TRAK1: variants seen among roughly 807,000 people sequenced by gnomAD.
TRAK1 encodes the protein trafficking kinesin protein 1, also known as trafficking kinesin-binding protein 1.
In TRAK1, 33 loss-of-function variants were observed where a neutral mutation model predicts 92.1. The observed-to-expected ratio is 0.36, with a 90% CI of 0.27 to 0.48. TRAK1 has a LOEUF of 0.48. Ranked by LOEUF, TRAK1 falls within the 20% of genes least tolerant of loss-of-function variation. TRAK1 has a pLI of 0.99. For synonymous variants in TRAK1, 521 were observed against 517.3 expected, an observed-to-expected ratio of 1.01 and a Z score of -0.10; for missense variants, 1,123 against 1,257.9, an observed-to-expected ratio of 0.89 and a Z score of 1.62.
At chr3:42,041,235 C>T (rs896240664) in intron 1 of TRAK1, among the ~76,000 whole-genome samples, 1 of 151,192 alleles carries the variant, frequency 6.6e-6, no homozygotes, top group South Asian at 2.1e-4. Context: ...TTAAGCCTTC[C>T]AATACCTGAT....
intron 2 of TRAK1, among the ~76,000 whole-genome samples, chr3:42,146,549 C>G (rs778807747): frequency 9.9e-5 from 15 of 151,984 alleles, no homozygotes; most frequent in Non-Finnish European, 1.8e-4. Context: ...TTTCCTGTTC[C>G]TTTATTTTAT....
chr3:42,206,591 G>A (rs987452691), intron 13 of TRAK1, among the ~76,000 whole-genome samples: 4 of 152,188 alleles, frequency 2.6e-5, no homozygotes, highest in African/African-American at 7.2e-5. Context: ...CAGGGATAAC[G>A]TGAAGATTAA....
At chr3:42,013,752 C>G (rs910716215), upstream of TRAK1, 1 of 148,372 alleles carries the variant, frequency 6.7e-6, no homozygotes, top group Non-Finnish European at 1.5e-5. The surrounding 1 kb of genome is among the most constrained non-coding windows in gnomAD (Gnocchi z 5.1). Flanking sequence ...CCGCCGCCCC[C>G]GCGCGCCCCG....
At chr3:42,135,675 C>T (rs1481006567) in intron 2 of TRAK1, among the ~76,000 whole-genome samples, 2 of 152,234 alleles carry the variant, frequency 1.3e-5, no homozygotes, top group African/African-American at 4.8e-5. Flanking sequence ...TGTGTGGGAA[C>T]ATCCCAGCTC....
chr3:42,156,929 G>A (rs754943685), intron 2 of TRAK1, among the ~76,000 whole-genome samples: 1 of 152,154 alleles, frequency 6.6e-6, no homozygotes, highest in Non-Finnish European at 1.5e-5. Flanking sequence ...CGAGGCGAGT[G>A]GATCAGTTGA....
chr3:42,095,122 G>A (rs561614801), intron 1 of TRAK1, among the ~76,000 whole-genome samples: 1 of 152,194 alleles, frequency 6.6e-6, no homozygotes, highest in African/African-American at 2.4e-5. Context: ...CCCAGTCAAG[G>A]AGACACATAT....
At chr3:42,095,143 G>C (rs933430789) in intron 1 of TRAK1, among the ~76,000 whole-genome samples, 7 of 152,180 alleles carry the variant, frequency 4.6e-5, no homozygotes, top group Non-Finnish European at 8.8e-5. Flanking sequence ...TATACAGTTA[G>C]CCTTCACAGA....
chr3:42,131,251 C>T (rs763261568), intron 2 of TRAK1, among the ~76,000 whole-genome samples: 2 of 152,134 alleles, frequency 1.3e-5, no homozygotes, highest in African/African-American at 2.4e-5. Context: ...ACACAGTGGT[C>T]GCTCCCTTCT....
At chr3:42,052,678 T>G (rs1703029627) in intron 1 of TRAK1, among the ~76,000 whole-genome samples, 1 of 152,202 alleles carries the variant, frequency 6.6e-6, no homozygotes, top group African/African-American at 2.4e-5. Context: ...GTGATAACAG[T>G]TGGCATACTG....
At chr3:42,200,599 CGA>C (rs988344559) in intron 11 of TRAK1, among the ~76,000 whole-genome samples, 29 of 152,134 alleles carry the variant, frequency 1.9e-4, no homozygotes, top group Non-Finnish European at 1.0e-4. Flanking sequence ...ACCATGCGTT[CGA>C]GTCCTGGGTT....
intron 4 of TRAK1, among the ~76,000 whole-genome samples, chr3:42,187,639 T>G (rs1965216): frequency 0.8 from 121,319 of 151,928 alleles, 48,697 homozygotes; most frequent in East Asian, 0.99. Context: ...CGCTAATTTT[T>G]TATTTTTAGT....
chr3:42,102,738 T>G (rs1226023175), intron 1 of TRAK1, among the ~76,000 whole-genome samples: 1 of 152,188 alleles, frequency 6.6e-6, no homozygotes, highest in Non-Finnish European at 1.5e-5. Context: ...CCACATTGAT[T>G]TATTTCCCTT....
At chr3:42,056,147 G>A (rs1182265514) in intron 1 of TRAK1, among the ~76,000 whole-genome samples, 1 of 152,114 alleles carries the variant, frequency 6.6e-6, no homozygotes, top group East Asian at 1.9e-4. Context: ...GTGAACATCT[G>A]TAGACTTTTT....
At chr3:42,109,523 T>C (rs1708048683) in intron 1 of TRAK1, among the ~76,000 whole-genome samples, 1 of 152,244 alleles carries the variant, frequency 6.6e-6, no homozygotes, top group Non-Finnish European at 1.5e-5. Flanking sequence ...AAGTCCATCC[T>C]AAACATGGTA....
At chr3:42,126,902 T>C (rs892167251) in intron 2 of TRAK1, among the ~76,000 whole-genome samples, 1 of 152,222 alleles carries the variant, frequency 6.6e-6, no homozygotes, top group Non-Finnish European at 1.5e-5. Context: ...CCATAAACCC[T>C]ACAGAGTCTT....
chr3:42,220,170 A>T (rs146920852), intron 15 of TRAK1, among the ~76,000 whole-genome samples: 1 of 152,162 alleles, frequency 6.6e-6, no homozygotes, highest in African/African-American at 2.4e-5. Flanking sequence ...GTGCCTCTGG[A>T]ATAGGCCCCA....
rs1710560713 is a variant in TRAK1 at position 42,223,551 on chromosome 3, G to A, written c.2676G>A (p.Glu892=). The A allele has an allele frequency of 6.2e-7, 1 of 1,613,756 alleles. No homozygotes were observed. Among genetic ancestry groups the A allele is most frequent in the African/African-American group, 1.3e-5 (1 of 74,924 alleles). ...PALVPRGLVP[E]GLPLRCPTVT... ...TTGTTCCCAGAGGCCTGGTACCTGA[G>A]GGCCTGCCCCTCAGATGCCCCACTG... is the stretch of plus-strand genomic sequence containing the variant. The change falls in exon 16 of 16, where the codon GAG becomes GAA. Residue 892 remains glutamate, a synonymous_variant. Coordinates refer to ENST00000327628, the MANE Select transcript of TRAK1 (RefSeq NM_001042646.3). This position sits in a 1 kb window ranked among gnomAD's most constrained non-coding sequence, Gnocchi z 6.1.
At chr3:42,158,614 A>G (rs1015288995) in intron 2 of TRAK1, among the ~76,000 whole-genome samples, 8 of 148,392 alleles carry the variant, frequency 5.4e-5, no homozygotes, top group African/African-American at 2.0e-4. Context: ...CATCTTTAAC[A>G]TGGTAAAATA....
intron 4 of TRAK1, 40 bp from the exon 5 acceptor site, chr3:42,188,005 C>T (rs375760567): frequency 7.2e-5 from 114 of 1,580,390 alleles, no homozygotes; most frequent in Non-Finnish European, 9.6e-5. Flanking sequence ...ACAGTATCAC[C>T]TTTTGGGAAG....
Sources: allele counts gnomAD v4.1 joint callset (sites outside exome capture counted in the v4.1 genomes callset), GRCh38; gene constraint gnomAD v4.1.1; non-coding constraint Gnocchi (gnomAD v3.1); transcripts MANE v1.5; gene names NCBI Gene and HGNC (gene_info 2026-07-23, HGNC 2026-07-21).